Variants in TRAPPC9 observed in about 807,000 individuals in gnomAD.
TRAPPC9 encodes the protein trafficking protein particle complex subunit 9.
In TRAPPC9, 83 loss-of-function variants were observed where a neutral mutation model predicts 124.0. The ratio of observed to expected loss-of-function variants is 0.67; its 90% confidence interval spans 0.56 to 0.80. The LOEUF (loss-of-function observed/expected upper bound fraction) is 0.80. TRAPPC9 is among the 30% of genes least tolerant of loss of function. The probability of loss-of-function intolerance (pLI) is 0.00; values close to 1 mark genes in which losing one functional copy is unlikely to be tolerated. For missense variants in TRAPPC9, 1,302 were observed against 1,508.3 expected, an observed-to-expected ratio of 0.86 and a Z score of 2.27; for synonymous variants, 638 against 617.5, an observed-to-expected ratio of 1.03 and a Z score of -0.49.
At position 139,728,310 on chromosome 8, in the gene TRAPPC9, C is replaced by A. The variant is rs1316344488; in HGVS notation, c.*2751G>T. Reference sequence around the variant, plus strand: ...CCTGAGGGACCAAGGATCAGAAGGGCAGAACCAACTCGCTCAGCTAGTGAA... The same window carrying A: ...CCTGAGGGACCAAGGATCAGAAGGGAAGAACCAACTCGCTCAGCTAGTGAA... On this transcript the variant is annotated 3_prime_UTR_variant, in exon 23 of 23. Transcript: ENST00000438773. 6.6e-6 allele frequency among the ~76,000 whole-genome samples: 1 copy of A among 152,182 alleles called. No homozygotes were observed. The highest frequency in any genetic ancestry group is 1.5e-5 in the Non-Finnish European group (1 of 68,042).
At chr8:139,964,829 C>T (rs576158019) in intron 19 of TRAPPC9, among the ~76,000 whole-genome samples, 1 of 152,310 alleles carries the variant, frequency 6.6e-6, no homozygotes, top group Admixed American at 6.5e-5. Flanking sequence ...ACTATTCCCA[C>T]CAAGGACCTT....
At chr8:140,395,762 C>T (rs2069073779) in intron 7 of TRAPPC9, among the ~76,000 whole-genome samples, 2 of 152,142 alleles carry the variant, frequency 1.3e-5, no homozygotes, top group African/African-American at 4.8e-5. Context: ...CCTCTCTCCT[C>T]CACCCCCTGC....
chr8:139,980,049 A>AC (rs11406354), intron 19 of TRAPPC9, among the ~76,000 whole-genome samples: 94,506 of 151,350 alleles, frequency 0.62, 29,588 homozygotes, highest in African/African-American at 0.67. Context: ...TCCTGCAGGT[A>AC]CCCCCCAGTG....
At chr8:139,979,040 C>T (rs1194698941) in intron 19 of TRAPPC9, among the ~76,000 whole-genome samples, 1 of 151,978 alleles carries the variant, frequency 6.6e-6, no homozygotes, top group African/African-American at 2.4e-5. Context: ...AGAGTTCTTG[C>T]CCGCAGACCA....
intron 20 of TRAPPC9, among the ~76,000 whole-genome samples, chr8:139,898,780 C>T (rs1009064796): frequency 6.6e-5 from 10 of 152,174 alleles, no homozygotes; most frequent in South Asian, 2.1e-4. Context: ...CAATCCCTTC[C>T]GTGAATTTAA....
At chr8:140,249,992 G>A (rs934515879) in intron 16 of TRAPPC9, among the ~76,000 whole-genome samples, 3 of 151,962 alleles carry the variant, frequency 2.0e-5, no homozygotes, top group Non-Finnish European at 4.4e-5. Context: ...TATCATACTC[G>A]ATATATTTGT....
rs77529820 is a variant in TRAPPC9, at chr8:140,071,610, A to G, written c.2557-47531T>C. Among the ~76,000 whole-genome samples, 64 of 152,154 alleles carry G rather than the reference A, an allele frequency of 4.2e-4. No homozygotes were observed. The East Asian group carries it at 0.011, about 27-fold the overall frequency. ...CAGAGGCCCGGTGCCTGCCTCTGGAACCCTCAGTCTGCCCGTGTAGATGGG... is the reference window on the plus strand; with the variant it reads ...CAGAGGCCCGGTGCCTGCCTCTGGAGCCCTCAGTCTGCCCGTGTAGATGGG... On this transcript the variant is annotated intron_variant, in intron 17 of 22. Transcript: ENST00000438773.
At chr8:140,284,141 C>T (rs1293061379) in intron 13 of TRAPPC9, 120 bp from the exon 14 acceptor site, 18 of 1,336,306 alleles carry the variant, frequency 1.3e-5, no homozygotes, top group African/African-American at 4.3e-5. Flanking sequence ...CGAAGCTGCC[C>T]GGGGCCCGCC....
chr8:140,193,171 T>C (rs924049301), intron 17 of TRAPPC9, among the ~76,000 whole-genome samples: 1 of 152,208 alleles, frequency 6.6e-6, no homozygotes, highest in African/African-American at 2.4e-5. Context: ...CCAGAGTTGC[T>C]TGGAGGAAAT....
intron 2 of TRAPPC9, among the ~76,000 whole-genome samples, chr8:140,444,102 C>T (rs1455707535): frequency 6.9e-6 from 1 of 145,618 alleles, no homozygotes; most frequent in African/African-American, 2.5e-5. Context: ...GTCCCAGCTA[C>T]TCAGGAGGCT....
rs192559747 is a variant in TRAPPC9, at chr8:139,919,188, A to G, written c.2811-8888T>C. Among the ~76,000 whole-genome samples the G allele has an allele frequency of 4.1e-3, 626 of 152,274 alleles. 4 individuals carry two copies. Among genetic ancestry groups the G allele is most frequent in the Non-Finnish European group, 5.4e-3 (370 of 68,012 alleles). Reference sequence around the variant, plus strand: ...AGGAAGGGCATGGGCTTGCAGCAACACGGACTGGAGCGCAACCCTCTTCTC... The same window carrying G: ...AGGAAGGGCATGGGCTTGCAGCAACGCGGACTGGAGCGCAACCCTCTTCTC... On this transcript the variant is annotated intron_variant, in intron 19 of 22. Transcript: ENST00000438773.
chr8:140,090,510 C>T (rs1420632426), intron 17 of TRAPPC9, among the ~76,000 whole-genome samples: 3 of 152,232 alleles, frequency 2.0e-5, no homozygotes, highest in East Asian at 1.9e-4. Context: ...GCTCCACTGG[C>T]GTATTACCAA....
Position 139,891,571 on chromosome 8 carries a change from A to G in TRAPPC9, c.2965-5602T>C, listed in dbSNP as rs1587114914. Among the ~76,000 whole-genome samples the G allele has an allele frequency of 2.0e-5, 3 of 152,084 alleles. 1 individual carries two copies. In the South Asian group the frequency reaches 6.2e-4, roughly 32 times the overall value. ...AACCCAGCTCAGCGGCACATGCGGC[A>G]CCCTCCTGGAGCTCCTGGTCTGGTG... is the stretch of plus-strand genomic sequence containing the variant. On this transcript the variant is annotated intron_variant, in intron 20 of 22. Transcript: ENST00000438773.
intron 8 of TRAPPC9, among the ~76,000 whole-genome samples, chr8:140,369,357 T>C (rs1372765160): frequency 6.6e-6 from 1 of 152,132 alleles, no homozygotes; most frequent in Admixed American, 6.5e-5. Context: ...CCTGTTTATT[T>C]CCACTGTAGA....
At chr8:140,221,209 G>A (rs954040223) in intron 17 of TRAPPC9, among the ~76,000 whole-genome samples, 2 of 152,148 alleles carry the variant, frequency 1.3e-5, no homozygotes, top group African/African-American at 2.4e-5. Context: ...TTTAATCACC[G>A]CACGCCTGGA....
intron 21 of TRAPPC9, among the ~76,000 whole-genome samples, chr8:139,858,452 C>A (rs1400572652): frequency 1.3e-5 from 2 of 152,248 alleles, no homozygotes. Flanking sequence ...CAGCCGCATG[C>A]AGCTCTTCCA....
intron 9 of TRAPPC9, among the ~76,000 whole-genome samples, chr8:140,345,255 T>G (rs550351473): frequency 5.9e-4 from 90 of 151,886 alleles, no homozygotes; most frequent in African/African-American, 1.9e-3. Context: ...AGAGATGGGG[T>G]GGAGGTGCTG....
rs145848149 is a variant in TRAPPC9 at position 139,798,555 on chromosome 8, G to A, written c.3056-66353C>T. Among the ~76,000 whole-genome samples the A allele has an allele frequency of 1.2e-3, 179 of 152,298 alleles. 2 individuals are homozygous for A. The highest frequency in any genetic ancestry group is 4.1e-3 in the African/African-American group (170 of 41,566). On this transcript the variant is annotated intron_variant, in intron 21 of 22. Coordinates refer to ENST00000438773, the MANE Select transcript of TRAPPC9 (RefSeq NM_001160372.4). ...CTTGTTTGGTTTTTTCAAAGACAGG[G>A]GCACTGGGGAGGTCTGGACAGGGTG...
At chr8:140,434,414 T>C (rs935224087) in intron 4 of TRAPPC9, among the ~76,000 whole-genome samples, 1 of 152,106 alleles carries the variant, frequency 6.6e-6, no homozygotes. Context: ...CATAAGCAAA[T>C]CAAACAACTC....
Sources: allele counts gnomAD v4.1 joint callset (sites outside exome capture counted in the v4.1 genomes callset), GRCh38; gene constraint gnomAD v4.1.1; transcripts MANE v1.5; gene names NCBI Gene and HGNC (gene_info 2026-07-23, HGNC 2026-07-21).